The following ZNF280D variants were observed in gnomAD, a reference collection of about 807,000 sequenced individuals.
The protein encoded by ZNF280D is suppressor of hairy wing homolog 4.
In ZNF280D, 39 loss-of-function variants were observed where a neutral mutation model predicts 94.7. That is an observed-to-expected ratio of 0.41 (90% CI 0.32 to 0.54). The LOEUF (loss-of-function observed/expected upper bound fraction) is 0.54. Among genes scored for constraint, ZNF280D ranks in the 20% least tolerant of loss-of-function variants. The pLI is 0.22. For synonymous variants in ZNF280D, 398 were observed against 377.6 expected (o/e 1.05, Z -0.63); for missense variants, 1,090 against 1,149.3 (o/e 0.95, Z 0.75).
chr15:56,718,068 A>C (rs2058141439), intron 1 of ZNF280D, among the ~76,000 whole-genome samples: 1 of 152,186 alleles, frequency 6.6e-6, no homozygotes, highest in South Asian at 2.1e-4. Flanking sequence ...GGAGGTATGT[A>C]AATTTCTGCC....
intron 3 of ZNF280D, among the ~76,000 whole-genome samples, chr15:56,706,311 C>T (rs1445132248): frequency 2.7e-5 from 4 of 150,250 alleles, no homozygotes; most frequent in Admixed American, 6.7e-5. Flanking sequence ...CCAGTCTCTA[C>T]TAAAAATAGA....
chr15:56,731,064 A>C (rs1209543878), intron 1 of ZNF280D, among the ~76,000 whole-genome samples: 1 of 152,196 alleles, frequency 6.6e-6, no homozygotes, highest in African/African-American at 2.4e-5. Flanking sequence ...TATTAAACCT[A>C]AATATATTCA....
chr15:56,674,488 T>G (rs1165822771), intron 13 of ZNF280D, among the ~76,000 whole-genome samples: 1 of 152,118 alleles, frequency 6.6e-6, no homozygotes, highest in Non-Finnish European at 1.5e-5. Flanking sequence ...CTATATGTAA[T>G]TTCTACCTTT....
At chr15:56,698,909 T>C (rs2141165249) in intron 6 of ZNF280D, 1 of 152,284 alleles carries the variant, frequency 6.6e-6, no homozygotes, top group African/African-American at 2.4e-5. Flanking sequence ...CCCAACAGAA[T>C]TTCAGATGAA....
chr15:56,670,705 G>A (rs1343172326), intron 13 of ZNF280D, among the ~76,000 whole-genome samples: 1 of 152,060 alleles, frequency 6.6e-6, no homozygotes, highest in African/African-American at 2.4e-5. Context: ...TATATACCCA[G>A]CAATGGGATT....
intron 7 of ZNF280D, among the ~76,000 whole-genome samples, chr15:56,691,621 A>C (rs1176457011): frequency 6.6e-6 from 1 of 152,128 alleles, no homozygotes; most frequent in Non-Finnish European, 1.5e-5. Context: ...TAAAAATCCT[A>C]TTCTCATTCA....
intron 1 of ZNF280D, among the ~76,000 whole-genome samples, chr15:56,719,970 T>A (rs1429377012): frequency 6.7e-6 from 1 of 149,788 alleles, no homozygotes; most frequent in Non-Finnish European, 1.5e-5. Flanking sequence ...AGGTCCTGCC[T>A]CCATGTTGAT....
At chr15:56,692,954 T>C in intron 7 of ZNF280D, 144 bp downstream of exon 7, 1 of 486,144 alleles carries the variant, frequency 2.1e-6, no homozygotes, top group Non-Finnish European at 3.7e-6. Flanking sequence ...CCACATAAGG[T>C]ATTCAAGTAC....
Position 56,682,486 on chromosome 15 carries a change from G to GAAAA in ZNF280D, c.781-13_781-10dup, listed in dbSNP as rs760502258. ...ATGTCTGGACAACAATACTGAAAGA[G>GAAAA]AAAAAAAAAAAAAAAAAACAAGCCT... On this transcript the variant is annotated splice_polypyrimidine_tract_variant and intron_variant, in intron 9 of 21. Coordinates refer to ENST00000267807, the MANE Select transcript of ZNF280D (RefSeq NM_017661.4). 4.1e-4 allele frequency: 206 copies of GAAAA among 506,804 alleles called. No individual in the cohort carries two copies. The highest frequency in any genetic ancestry group is 1.2e-3 in the South Asian group (31 of 24,814). The allele number at this position is 506,804 out of a possible 1,614,324, so 31.4% of individuals were successfully genotyped here. A position where few individuals can be genotyped will look rare whatever the true frequency, so the allele number is the denominator to read the frequency against.
chr15:56,731,008 C>T (rs1879080693), intron 1 of ZNF280D, among the ~76,000 whole-genome samples: 1 of 152,082 alleles, frequency 6.6e-6, no homozygotes, highest in African/African-American at 2.4e-5. Flanking sequence ...ATGTTGTATG[C>T]AATGAAGCAT....
At chr15:56,668,992 A>G in intron 13 of ZNF280D, 35 bp from the exon 14 acceptor site, 2 of 1,583,688 alleles carry the variant, frequency 1.3e-6, no homozygotes, top group Non-Finnish European at 1.7e-6. Flanking sequence ...GGGGAAAAAT[A>G]ATTTCAAAAA....
At chr15:56,714,304 T>C (rs1245109292) in intron 1 of ZNF280D, among the ~76,000 whole-genome samples, 1 of 152,190 alleles carries the variant, frequency 6.6e-6, no homozygotes, top group African/African-American at 2.4e-5. Flanking sequence ...CTTAAGAGAC[T>C]GTAGAAGATA....
intron 1 of ZNF280D, among the ~76,000 whole-genome samples, chr15:56,719,886 TAAAAAAAAAAAAAA>T (rs35398429): frequency 9.8e-6 from 1 of 101,726 alleles, no homozygotes; most frequent in Admixed American, 1.0e-4. Flanking sequence ...ACTTTATTGC[TAAAAAAAAAAAAAA>T]AAAAAAAAAG....
At chr15:56,679,970 C>T (rs2055508972) in intron 10 of ZNF280D, among the ~76,000 whole-genome samples, 1 of 152,210 alleles carries the variant, frequency 6.6e-6, no homozygotes, top group African/African-American at 2.4e-5. Flanking sequence ...CAGCTCACAG[C>T]TTTCAGCACT....
intron 16 of ZNF280D, among the ~76,000 whole-genome samples, chr15:56,660,084 T>A (rs925867757): frequency 6.6e-6 from 1 of 152,018 alleles, no homozygotes; most frequent in African/African-American, 2.4e-5. Context: ...TTTAAGATGG[T>A]ATCACAAAAA....
chr15:56,658,588 A>G, intron 16 of ZNF280D, 102 bp from the exon 17 acceptor site: 2 of 762,190 alleles, frequency 2.6e-6, no homozygotes. Flanking sequence ...TTTGTAATAA[A>G]AGATTATAAT....
intron 16 of ZNF280D, 63 bp from the exon 17 acceptor site, chr15:56,658,549 A>G (rs896193595): frequency 6.6e-5 from 78 of 1,176,902 alleles, no homozygotes; most frequent in Non-Finnish European, 1.1e-5. Flanking sequence ...ATTTATAACT[A>G]TATTTCAAGT....
At chr15:56,649,553 C>G (rs970575212) in intron 19 of ZNF280D, among the ~76,000 whole-genome samples, 10 of 151,024 alleles carry the variant, frequency 6.6e-5, no homozygotes, top group Non-Finnish European at 1.2e-4. Context: ...ATCCCGGTCA[C>G]ATTTCAAAAG....
At chr15:56,672,653 T>C (rs2054948952) in intron 13 of ZNF280D, among the ~76,000 whole-genome samples, 1 of 151,980 alleles carries the variant, frequency 6.6e-6, no homozygotes, top group Non-Finnish European at 1.5e-5. Flanking sequence ...GTGTGGTTTT[T>C]TTTGTGTGTG....
Sources: gnomAD v4.1 joint callset for allele counts (sites outside exome capture counted in the v4.1 genomes callset) on GRCh38, gnomAD v4.1.1 for gene constraint, MANE v1.5 for transcripts, NCBI Gene and HGNC (gene_info 2026-07-23, HGNC 2026-07-21) for gene names.